MPV17L: variants seen among roughly 807,000 people sequenced by gnomAD.
The protein encoded by MPV17L is MPV17 mitochondrial inner membrane protein like.
Under a neutral mutation model 25.8 loss-of-function variants are expected in MPV17L, and 24 were observed. That is an observed-to-expected ratio of 0.93 (90% confidence interval 0.67 to 1.31). The LOEUF is 1.31. Among genes scored for constraint, MPV17L ranks in the 50% most tolerant of loss-of-function variants. The probability of loss-of-function intolerance (pLI) is 0.00; values close to 1 mark genes in which losing one functional copy is unlikely to be tolerated. For missense variants in MPV17L, 250 were observed against 265.6 expected (o/e 0.94, Z 0.41); for synonymous variants, 102 against 115.3 (o/e 0.88, Z 0.74).
At chr16:15,397,493 G>A (rs763236745) in intron 1 of MPV17L, among the ~76,000 whole-genome samples, 6 of 152,112 alleles carry the variant, frequency 3.9e-5, no homozygotes, top group African/African-American at 1.2e-4. Flanking sequence ...GAGATCCCCC[G>A]TCTGCTCACA....
chr16:15,401,058 G>GTGTATA (rs1322619970), intron 2 of MPV17L, among the ~76,000 whole-genome samples: 10 of 44,248 alleles, frequency 2.3e-4, no homozygotes, highest in East Asian at 1.2e-3. Context: ...ATGTGTGTGT[G>GTGTATA]TATATATATA....
intron 3 of MPV17L, 26 bp from the exon 4 acceptor site, chr16:15,407,907 C>G: frequency 2.5e-6 from 4 of 1,613,488 alleles, no homozygotes; most frequent in Non-Finnish European, 3.4e-6. Context: ...TCCATGTGGC[C>G]CTAACGGACT....
Position 15,411,833 on chromosome 16 carries a change from T to C in MPV17L, c.*3721T>C, listed in dbSNP as rs574853938. 1 of 152,168 alleles carries C rather than the reference T, an allele frequency of 6.6e-6. No individual in the cohort carries two copies. The highest frequency in any genetic ancestry group is 1.5e-5 in the Non-Finnish European group (1 of 68,028). The allele number at this position is 152,168 out of a possible 1,614,324, so 9.4% of individuals were successfully genotyped here. On this transcript the variant is annotated 3_prime_UTR_variant, in exon 4 of 4. Transcript: ENST00000396385. Reference sequence around the variant, plus strand: ...CCGGACATGGTAGTGCGTCCTGTAGTCTCAGCTACTCAGGTGGCTGAGACA... The same window carrying C: ...CCGGACATGGTAGTGCGTCCTGTAGCCTCAGCTACTCAGGTGGCTGAGACA...
intron 1 of MPV17L, among the ~76,000 whole-genome samples, chr16:15,400,345 TC>T (rs577618169): frequency 3.4e-5 from 5 of 149,144 alleles, no homozygotes; most frequent in Admixed American, 6.7e-5. Context: ...GATTATGTTT[TC>T]TTTTTTTTTT....
At position 15,396,131 on chromosome 16, in the gene MPV17L, G is replaced by T. The variant is rs780767369; in HGVS notation, c.234G>T (p.Ala78=). 1.9e-6 allele frequency: 3 copies of T among 1,547,268 alleles called. No individual in the cohort carries two copies. The highest frequency in any genetic ancestry group is 2.6e-6 in the Non-Finnish European group (3 of 1,146,790). ...TGGAGCGCGCGCTCCCGGGCCGAGC[G>T]CCGCACGCCCTGCTGGCCAAGTTGC... ...RLLERALPGR[A]PHALLAKLLC... Residue 78 remains alanine (A), a synonymous_variant, in exon 1 of 4, where the codon GCG becomes GCT. Coordinates refer to ENST00000396385, the MANE Select transcript of MPV17L (RefSeq NM_001128423.2).
Position 15,398,809 on chromosome 16 carries a change from G to A in MPV17L, c.311-1978G>A, listed in dbSNP as rs144450760. Reference sequence around the variant, plus strand: ...GGGTTTCGCCAAGTTGGCCAGGCTGGTCTCGAACTCCTGACCTCAAGTGAC... The same window carrying A: ...GGGTTTCGCCAAGTTGGCCAGGCTGATCTCGAACTCCTGACCTCAAGTGAC... On this transcript the variant is annotated intron_variant, in intron 1 of 3. Transcript: ENST00000396385. Among the ~76,000 whole-genome samples the A allele has an allele frequency of 4.7e-3, 720 of 152,030 alleles. 5 individuals are homozygous for A. Among genetic ancestry groups the A allele is most frequent in the African/African-American group, 0.017 (699 of 41,476 alleles).
Position 15,411,501 on chromosome 16 carries a change from C to G in MPV17L, c.*3389C>G, listed in dbSNP as rs1417595541. 6.6e-6 allele frequency: 1 copy of G among 152,002 alleles called. No homozygotes were observed. Among genetic ancestry groups the G allele is most frequent in the African/African-American group, 2.4e-5 (1 of 41,372 alleles). The allele number at this position is 152,002 out of a possible 1,614,324, so 9.4% of individuals were successfully genotyped here. A position where few individuals can be genotyped will look rare whatever the true frequency, so the allele number is the denominator to read the frequency against. The stretch of plus-strand genomic sequence containing the variant: ...TCTCTCCAAAACCTACAAAAATTAG[C>G]CAAGCATGGTGGTGTGAGCCTGTAG... On this transcript the variant is annotated 3_prime_UTR_variant, in exon 4 of 4. Transcript: ENST00000396385.
rs2050732886 is a variant in MPV17L at position 15,411,452 on chromosome 16, C to T, written c.*3340C>T. ...TCTGAGCCCAGGAGTTTGAGACCAG[C>T]CTAGGCAACATGGCAAGAGCCTGTC... is the stretch of plus-strand genomic sequence containing the variant. On this transcript the variant is annotated 3_prime_UTR_variant, in exon 4 of 4. Coordinates refer to ENST00000396385, the MANE Select transcript of MPV17L (RefSeq NM_001128423.2). 6.6e-6 allele frequency: 1 copy of T among 152,050 alleles called. No individual in the cohort carries two copies. The allele number at this position is 152,050 out of a possible 1,614,324, so 9.4% of individuals were successfully genotyped here.
chr16:15,403,136 G>T (rs183501202), intron 2 of MPV17L, among the ~76,000 whole-genome samples: 1 of 151,396 alleles, frequency 6.6e-6, no homozygotes, highest in African/African-American at 2.4e-5. Context: ...TTGGGAGGTG[G>T]AGGCGGGTAG....
Position 15,396,038 on chromosome 16 carries a change from G to A in MPV17L, c.141G>A (p.Gln47=), listed in dbSNP as rs766954019. 1 of 1,534,596 alleles carries A rather than the reference G, an allele frequency of 6.5e-7. No homozygotes were observed. The highest frequency in any genetic ancestry group is 1.4e-5 in the African/African-American group (1 of 72,174). ...RLQGREANWR[Q]TRRVATLVVT... Reference sequence around the variant, plus strand: ...AGGGCCGCGAGGCCAACTGGCGCCAGACGCGGCGCGTGGCCACGTTGGTGG... The same window carrying A: ...AGGGCCGCGAGGCCAACTGGCGCCAAACGCGGCGCGTGGCCACGTTGGTGG... Residue 47 remains glutamine, a synonymous_variant, in exon 1 of 4, where the codon CAG becomes CAA. Transcript: ENST00000396385.
chr16:15,401,130 C>T (rs1433901425), intron 2 of MPV17L, among the ~76,000 whole-genome samples: 1 of 79,256 alleles, frequency 1.3e-5, no homozygotes, highest in Non-Finnish European at 2.3e-5. Flanking sequence ...AAACCTTTTT[C>T]GAGACAGGGT....
chr16:15,401,772 G>A (rs1445392682), intron 2 of MPV17L, among the ~76,000 whole-genome samples: 3 of 151,924 alleles, frequency 2.0e-5, no homozygotes, highest in South Asian at 4.2e-4. Flanking sequence ...AGCCGAGATC[G>A]CACCACTGCA....
chr16:15,400,728 G>A (rs1299994699), intron 1 of MPV17L, 59 bp from the exon 2 acceptor site: 2 of 1,166,254 alleles, frequency 1.7e-6, no homozygotes, highest in East Asian at 5.4e-5. Context: ...ACTTAAACAT[G>A]AACTGTTATA....
At chr16:15,404,321 G>A (rs1341048961) in intron 2 of MPV17L, among the ~76,000 whole-genome samples, 1 of 152,154 alleles carries the variant, frequency 6.6e-6, no homozygotes, top group Non-Finnish European at 1.5e-5. Context: ...ACCCAGAGCT[G>A]AGGATCTTGA....
At chr16:15,400,139 A>G (rs899484145) in intron 1 of MPV17L, among the ~76,000 whole-genome samples, 6 of 152,136 alleles carry the variant, frequency 3.9e-5, no homozygotes, top group African/African-American at 1.4e-4. Context: ...TAAAATTTCA[A>G]AATGTTCAAA....
Position 15,411,637 on chromosome 16 carries a change from A to C in MPV17L, c.*3525A>C, listed in dbSNP as rs1051471479. 9 of 152,120 alleles carry C rather than the reference A, an allele frequency of 5.9e-5. 1 individual carries two copies. Among genetic ancestry groups the C allele is most frequent in the African/African-American group, 2.2e-4 (9 of 41,434 alleles). 9.4% of individuals were successfully genotyped at this position (152,120 alleles called of 1,614,324 possible). On this transcript the variant is annotated 3_prime_UTR_variant, in exon 4 of 4. Transcript: ENST00000396385. Reference sequence around the variant, plus strand: ...AGATGAGGTCTCTCTTGAAGGAGAGAGCAAAAGAGATTTAAATAATAACAA... The same window carrying C: ...AGATGAGGTCTCTCTTGAAGGAGAGCGCAAAAGAGATTTAAATAATAACAA...
At chr16:15,401,075 TATATATA>T (rs1422890510) in intron 2 of MPV17L, among the ~76,000 whole-genome samples, 27 of 34,828 alleles carry the variant, frequency 7.8e-4, no homozygotes, top group South Asian at 1.4e-3. Flanking sequence ...TATATATATA[TATATATA>T]TATATTTTTT....
At chr16:15,400,761 A>G (rs1241030245) in intron 1 of MPV17L, 26 bp from the exon 2 acceptor site, 1 of 1,549,414 alleles carries the variant, frequency 6.5e-7, no homozygotes, top group Non-Finnish European at 8.7e-7. Flanking sequence ...GAATCTTTTA[A>G]AATTTTTTTT....
chr16:15,407,913 G>A lies in MPV17L; in HGVS notation c.412-20G>A, dbSNP rs374501308. On this transcript the variant is annotated intron_variant, in intron 3 of 3. Coordinates refer to ENST00000396385, the MANE Select transcript of MPV17L (RefSeq NM_001128423.2). ...GCTTTGGTTTCCATGTGGCCCTAACGGACTCTCTCTCTGTTCCAGCTGACC... is the reference window on the plus strand; with the variant it reads ...GCTTTGGTTTCCATGTGGCCCTAACAGACTCTCTCTCTGTTCCAGCTGACC... 1.1e-5 allele frequency: 17 copies of A among 1,613,332 alleles called. No individual in the cohort carries two copies. The highest frequency in any genetic ancestry group is 1.7e-5 in the Admixed American group (1 of 59,918).
Sources: allele counts gnomAD v4.1 joint callset (sites outside exome capture counted in the v4.1 genomes callset), GRCh38; gene constraint gnomAD v4.1.1; transcripts MANE v1.5; gene names NCBI Gene and HGNC (gene_info 2026-07-23, HGNC 2026-07-21).